The following RAD50 variants were observed in gnomAD, a reference collection of about 807,000 sequenced individuals.
The protein encoded by RAD50 is RAD50 double strand break repair protein, also known as DNA repair protein RAD50.
Under a neutral mutation model 168.8 loss-of-function variants are expected in RAD50, and 132 were observed. That is an observed-to-expected ratio of 0.78 (90% CI 0.68 to 0.90). The LOEUF is 0.90. Among genes scored for constraint, RAD50 ranks in the 40% least tolerant of loss-of-function variants. RAD50 has a pLI of 0.00. For synonymous variants in RAD50, 525 were observed against 497.4 expected (o/e 1.06, Z -0.74); for missense variants, 1,347 against 1,534.4 (o/e 0.88, Z 2.04).
chr5:132,640,834 GAGTA>G, intron 24 of RAD50, 29 bp downstream of exon 24: 2 of 1,613,868 alleles, frequency 1.2e-6, no homozygotes, highest in African/African-American at 1.3e-5. Flanking sequence ...TGCTCTGGTT[GAGTA>G]AGTATCTCAC....
intron 19 of RAD50, among the ~76,000 whole-genome samples, chr5:132,612,892 T>A (rs1751111275): frequency 6.6e-6 from 1 of 151,978 alleles, no homozygotes; most frequent in Admixed American, 6.6e-5. Context: ...ATCTTGGGGG[T>A]TTGGGCAGAG....
At chr5:132,568,003 G>A in intron 2 of RAD50, among the ~76,000 whole-genome samples, 1 of 152,142 alleles carries the variant, frequency 6.6e-6, no homozygotes, top group Non-Finnish European at 1.5e-5. Flanking sequence ...GAAGGGAAAA[G>A]TGAGTAGAAG....
intron 11 of RAD50, among the ~76,000 whole-genome samples, chr5:132,592,376 G>T (rs1451494035): frequency 6.6e-6 from 1 of 152,076 alleles, no homozygotes; most frequent in Non-Finnish European, 1.5e-5. Flanking sequence ...GCCCTTTAAA[G>T]ATTTTTTTAA....
chr5:132,557,901 A>C (rs1750036095), intron 1 of RAD50, among the ~76,000 whole-genome samples: 1 of 152,216 alleles, frequency 6.6e-6, no homozygotes, highest in Non-Finnish European at 1.5e-5. Context: ...GACATAATAC[A>C]TGGAAAATAA....
chr5:132,613,855 C>T (rs1221707277), intron 19 of RAD50, among the ~76,000 whole-genome samples: 1 of 151,978 alleles, frequency 6.6e-6, no homozygotes, highest in Non-Finnish European at 1.5e-5. Context: ...CCTTGGCCTC[C>T]CAAAGTGCTG....
rs1483088510 is a variant in RAD50, at chr5:132,557,075, C to G, written c.-250C>G. ...TGCGTCCCCGGCGGGCAGCCCCAGG[C>G]TGGTCCCCGCCTCCGCTCTCCCCAC... On this transcript the variant is annotated 5_prime_UTR_variant, in exon 1 of 25. Coordinates refer to ENST00000378823, the MANE Select transcript of RAD50 (RefSeq NM_005732.4). The G allele has an allele frequency of 4.6e-6, 3 of 657,826 alleles. No homozygotes were observed. In the African/African-American group the frequency reaches 5.4e-5, roughly 12 times the overall value. The allele number at this position is 657,826 out of a possible 1,614,324, so 40.7% of individuals were successfully genotyped here.
chr5:132,605,937 C>T (rs1384356379), intron 16 of RAD50, among the ~76,000 whole-genome samples: 1 of 152,086 alleles, frequency 6.6e-6, no homozygotes, highest in Non-Finnish European at 1.5e-5. Context: ...CCAGTGAGAA[C>T]AAAGATACAA....
chr5:132,592,114 G>A, intron 11 of RAD50, 80 bp downstream of exon 11: 1 of 1,423,720 alleles, frequency 7.0e-7, no homozygotes, highest in Non-Finnish European at 9.9e-7. Flanking sequence ...ATAATTTATT[G>A]TCATGAAATG....
intron 16 of RAD50, among the ~76,000 whole-genome samples, chr5:132,606,260 A>G (rs1160419463): frequency 6.6e-6 from 1 of 152,218 alleles, no homozygotes; most frequent in East Asian, 1.9e-4. Context: ...AGAAGAATCA[A>G]ATAGATGCAA....
intron 2 of RAD50, among the ~76,000 whole-genome samples, chr5:132,575,405 CAT>C (rs1177557690): frequency 2.0e-5 from 3 of 152,160 alleles, no homozygotes; most frequent in Admixed American, 6.5e-5. Context: ...CCTCCTGCAA[CAT>C]GTGGAAATTC....
At chr5:132,619,867 T>G (rs1188253713) in intron 21 of RAD50, among the ~76,000 whole-genome samples, 4 of 124,700 alleles carry the variant, frequency 3.2e-5, no homozygotes, top group East Asian at 2.2e-4. Flanking sequence ...TATATATATA[T>G]AAAGATATAT....
In RAD50 at chr5:132,557,306, A is replaced by G. The variant is rs1295889568; in HGVS notation, c.-19A>G. On this transcript the variant is annotated 5_prime_UTR_variant, in exon 1 of 25. Coordinates refer to ENST00000378823, the MANE Select transcript of RAD50 (RefSeq NM_005732.4). ...TTGTGGGCTCCAGGTCCCTGGTGAG[A>G]TTAGAAACGTTTGCAAACATGTCCC... The G allele has an allele frequency of 5.6e-6, 9 of 1,613,910 alleles. No homozygotes were observed. Among genetic ancestry groups the G allele is most frequent in the Non-Finnish European group, 6.8e-6 (8 of 1,179,872 alleles).
chr5:132,607,575 G>A (rs1751007000), intron 16 of RAD50, among the ~76,000 whole-genome samples: 1 of 152,034 alleles, frequency 6.6e-6, no homozygotes, highest in South Asian at 2.1e-4. Flanking sequence ...CAGAGGTTCA[G>A]AATATAATAT....
chr5:132,641,056 C>G (rs996853965), intron 24 of RAD50, among the ~76,000 whole-genome samples: 9 of 152,108 alleles, frequency 5.9e-5, no homozygotes, highest in Non-Finnish European at 1.3e-4. Flanking sequence ...CAAGTGTGTT[C>G]ACAGGGAGAG....
intron 19 of RAD50, among the ~76,000 whole-genome samples, chr5:132,610,970 G>A (rs1209583910): frequency 1.3e-5 from 2 of 152,196 alleles, no homozygotes; most frequent in Non-Finnish European, 2.9e-5. Flanking sequence ...AAAGATAAAT[G>A]TATTTCAAAT....
chr5:132,574,520 C>T (rs1220543713), intron 2 of RAD50, among the ~76,000 whole-genome samples: 1 of 152,286 alleles, frequency 6.6e-6, no homozygotes, highest in African/African-American at 2.4e-5. Context: ...CTGACATGCC[C>T]CTGGAGACAT....
Position 132,644,263 on chromosome 5 carries a change from G to C in RAD50, c.*1899G>C, listed in dbSNP as rs2149868358. ...CTGAGAGTGGCTGCTTTCATTCCAAGAAGCCCATGGGTTTGGAGGTGGGAT... is the reference window on the plus strand; with the variant it reads ...CTGAGAGTGGCTGCTTTCATTCCAACAAGCCCATGGGTTTGGAGGTGGGAT... On this transcript the variant is annotated 3_prime_UTR_variant, in exon 25 of 25. Coordinates refer to ENST00000378823, the MANE Select transcript of RAD50 (RefSeq NM_005732.4). 5.7e-6 allele frequency: 1 copy of C among 173,940 alleles called. No homozygotes were observed. 10.8% of individuals were successfully genotyped at this position (173,940 alleles called of 1,614,324 possible). A position where few individuals can be genotyped will look rare whatever the true frequency, so the allele number is the denominator to read the frequency against.
At chr5:132,571,755 G>A (rs920954673) in intron 2 of RAD50, among the ~76,000 whole-genome samples, 6 of 152,094 alleles carry the variant, frequency 3.9e-5, no homozygotes, top group African/African-American at 4.8e-5. Flanking sequence ...AATACCCTCC[G>A]TAATGAGATA....
At chr5:132,576,903 C>A (rs1233691081) in intron 3 of RAD50, among the ~76,000 whole-genome samples, 5 of 152,194 alleles carry the variant, frequency 3.3e-5, no homozygotes, top group African/African-American at 9.6e-5. Context: ...TTCATTTTCA[C>A]TGTGTGTATC....
Sources: gnomAD v4.1 joint callset for allele counts (sites outside exome capture counted in the v4.1 genomes callset) on GRCh38, gnomAD v4.1.1 for gene constraint, MANE v1.5 for transcripts, NCBI Gene and HGNC (gene_info 2026-07-23, HGNC 2026-07-21) for gene names.